GOLGA7B: variants seen among roughly 807,000 people sequenced by gnomAD.
The protein encoded by GOLGA7B is golgin subfamily A member 7B.
A neutral mutation model predicts 21.5 loss-of-function variants in GOLGA7B; 17 were observed. That is an observed-to-expected ratio of 0.79 (90% CI 0.54 to 1.19). GOLGA7B has a LOEUF of 1.19. Among genes scored for constraint, GOLGA7B ranks in the 50% most tolerant of loss-of-function variants. The pLI, the probability that GOLGA7B is intolerant of heterozygous loss-of-function variation, is 0.00. For missense variants in GOLGA7B, 169 were observed against 224.4 expected, an observed-to-expected ratio of 0.75 and a Z score of 1.58; for synonymous variants, 87 against 84.0, an observed-to-expected ratio of 1.04 and a Z score of -0.19.
intron 1 of GOLGA7B, among the ~76,000 whole-genome samples, chr10:97,851,394 C>A (rs2049904973): frequency 6.6e-6 from 1 of 152,154 alleles, no homozygotes; most frequent in Non-Finnish European, 1.5e-5. Context: ...TGTTGTTATT[C>A]CACTCAAGTT....
chr10:97,860,608 C>G (rs1232521781), intron 2 of GOLGA7B, among the ~76,000 whole-genome samples: 1 of 152,228 alleles, frequency 6.6e-6, no homozygotes, highest in East Asian at 1.9e-4. Context: ...CCTCCTCGGC[C>G]TCCCAAAGTG....
At chr10:97,854,825 G>A (rs2049925108) in intron 1 of GOLGA7B, among the ~76,000 whole-genome samples, 1 of 152,202 alleles carries the variant, frequency 6.6e-6, no homozygotes, top group African/African-American at 2.4e-5. Context: ...TTCCAGGTAA[G>A]TGTTCCTGAT....
chr10:97,856,889 G>A (rs544809591), intron 1 of GOLGA7B, among the ~76,000 whole-genome samples: 2 of 152,182 alleles, frequency 1.3e-5, no homozygotes, highest in Non-Finnish European at 1.5e-5. Flanking sequence ...TTTCAGAAAT[G>A]TCTGTTCATG....
In GOLGA7B at chr10:97,871,471, G is replaced by A. The variant is rs2050092776; in HGVS notation, c.*5771G>A. The A allele has an allele frequency of 6.6e-6, 1 of 152,168 alleles. No homozygotes were observed. Among genetic ancestry groups the A allele is most frequent in the African/African-American group, 2.4e-5 (1 of 41,428 alleles). 9.4% of individuals were successfully genotyped at this position (152,168 alleles called of 1,614,324 possible). A position where few individuals can be genotyped will look rare whatever the true frequency, so the allele number is the denominator to read the frequency against. ...TGATACTAGGACCTCGTTATACGAT[G>A]GCCTCATGATGTAGATTTATAGCAG... On this transcript the variant is annotated 3_prime_UTR_variant, in exon 5 of 5. Transcript: ENST00000370602.
Position 97,869,604 on chromosome 10 carries a change from G to T in GOLGA7B, c.*3904G>T, listed in dbSNP as rs1159272010. 6.6e-6 allele frequency: 1 copy of T among 152,332 alleles called. No individual in the cohort carries two copies. The highest frequency in any genetic ancestry group is 1.5e-5 in the Non-Finnish European group (1 of 68,106). The allele number at this position is 152,332 out of a possible 1,614,324, so 9.4% of individuals were successfully genotyped here. A position where few individuals can be genotyped will look rare whatever the true frequency, so the allele number is the denominator to read the frequency against. ...GGGCGGGTGTGTGTGAAACCACAGG[G>T]TTTACAGAAGCTCGAGGTGCCACTG... On this transcript the variant is annotated 3_prime_UTR_variant, in exon 5 of 5. Coordinates refer to ENST00000370602, the MANE Select transcript of GOLGA7B (RefSeq NM_001010917.3).
At chr10:97,864,624 C>T (rs1352476285) in intron 4 of GOLGA7B, among the ~76,000 whole-genome samples, 1 of 152,124 alleles carries the variant, frequency 6.6e-6, no homozygotes, top group Non-Finnish European at 1.5e-5. Flanking sequence ...AATGTGGGAG[C>T]CAGGAATTGC....
Position 97,865,818 on chromosome 10 carries a change from C to CG in GOLGA7B, c.*122dup. 14 of 400,070 alleles carry CG rather than the reference C, an allele frequency of 3.5e-5. No homozygotes were observed. The highest frequency in any genetic ancestry group is 6.9e-5 in the East Asian group (1 of 14,598). 24.8% of individuals were successfully genotyped at this position (400,070 alleles called of 1,614,324 possible). A position where few individuals can be genotyped will look rare whatever the true frequency, so the allele number is the denominator to read the frequency against. ...CATTCTTTGGGCTCACCCTGCTGCC[C>CG]GGGGTGGGAGGGAGGGTGACGGGCC... is the stretch of plus-strand genomic sequence containing the variant. On this transcript the variant is annotated 3_prime_UTR_variant, in exon 5 of 5. Transcript: ENST00000370602.
intron 2 of GOLGA7B, among the ~76,000 whole-genome samples, chr10:97,861,242 A>G (rs2049969431): frequency 6.6e-6 from 1 of 152,226 alleles, no homozygotes; most frequent in South Asian, 2.1e-4. Context: ...TATGGGAGTT[A>G]GTAAGTACCA....
rs2050071841 is a variant in GOLGA7B at position 97,869,841 on chromosome 10, C to A, written c.*4141C>A. ...GGGCTGTCGAGCCTGGGAAACTCCA[C>A]ATCCCTCTCCACACCTCTAGAAGGA... On this transcript the variant is annotated 3_prime_UTR_variant, in exon 5 of 5. Transcript: ENST00000370602. 6.6e-6 allele frequency: 1 copy of A among 152,302 alleles called. No homozygotes were observed. Among genetic ancestry groups the A allele is most frequent in the African/African-American group, 2.4e-5 (1 of 41,458 alleles). 9.4% of individuals were successfully genotyped at this position (152,302 alleles called of 1,614,324 possible).
rs78007342 is a variant in GOLGA7B at position 97,859,785 on chromosome 10, G to A, written c.138+202G>A. 3.6e-3 allele frequency among the ~76,000 whole-genome samples: 551 copies of A among 152,332 alleles called. 4 individuals are homozygous for A. Among genetic ancestry groups the A allele is most frequent in the African/African-American group, 0.012 (512 of 41,572 alleles). On this transcript the variant is annotated intron_variant, in intron 2 of 4. Transcript: ENST00000370602. ...TACTGTCTCCTCATAGAAAATTAGA[G>A]CTGAAGGGATCTCAGGGATTTTCTG...
rs611536 is a variant in GOLGA7B at position 97,871,303 on chromosome 10, T to A, written c.*5603T>A. The A allele has an allele frequency of 0.09, 13,651 of 152,050 alleles. 1,021 individuals are homozygous for A. Among genetic ancestry groups the A allele is most frequent in the African/African-American group, 0.2 (8,305 of 41,462 alleles). The allele number at this position is 152,050 out of a possible 1,614,324, so 9.4% of individuals were successfully genotyped here. A position where few individuals can be genotyped will look rare whatever the true frequency, so the allele number is the denominator to read the frequency against. ...AGGAAGTGGGAAACTGTGAAGAGAG[T>A]CAGAGGGCTGTGCCAGCTGCCCCCT... On this transcript the variant is annotated 3_prime_UTR_variant, in exon 5 of 5. Coordinates refer to ENST00000370602, the MANE Select transcript of GOLGA7B (RefSeq NM_001010917.3).
At chr10:97,858,119 C>T (rs1349002145) in intron 1 of GOLGA7B, among the ~76,000 whole-genome samples, 1 of 152,142 alleles carries the variant, frequency 6.6e-6, no homozygotes, top group African/African-American at 2.4e-5. Flanking sequence ...TTGCCTTTTC[C>T]TCCCTCTCCA....
intron 1 of GOLGA7B, among the ~76,000 whole-genome samples, chr10:97,857,016 T>C (rs1390094145): frequency 6.6e-6 from 1 of 152,220 alleles, no homozygotes; most frequent in Non-Finnish European, 1.5e-5. Flanking sequence ...TTTTCTCCCT[T>C]TCTGTAGGTT....
Position 97,869,616 on chromosome 10 carries a change from TC to T in GOLGA7B, c.*3917del, listed in dbSNP as rs2050069192. The T allele has an allele frequency of 6.6e-6, 1 of 152,250 alleles. No homozygotes were observed. The highest frequency in any genetic ancestry group is 1.5e-5 in the Non-Finnish European group (1 of 68,080). The allele number at this position is 152,250 out of a possible 1,614,324, so 9.4% of individuals were successfully genotyped here. ...GTGAAACCACAGGGTTTACAGAAGC[TC>T]GAGGTGCCACTGAGTGGCAGGATTA... On this transcript the variant is annotated 3_prime_UTR_variant, in exon 5 of 5. Transcript: ENST00000370602.
Position 97,865,756 on chromosome 10 carries a change from T to G in GOLGA7B, c.*56T>G. 7.3e-7 allele frequency: 1 copy of G among 1,372,904 alleles called. No individual in the cohort carries two copies. The highest frequency in any genetic ancestry group is 9.6e-7 in the Non-Finnish European group (1 of 1,041,536). The allele number at this position is 1,372,904 out of a possible 1,614,324, so 85.0% of individuals were successfully genotyped here. On this transcript the variant is annotated 3_prime_UTR_variant, in exon 5 of 5. Coordinates refer to ENST00000370602, the MANE Select transcript of GOLGA7B (RefSeq NM_001010917.3). ...GGCCGGAGTGAGGGCCTTGCAGACC[T>G]GCGGCGGCTGCGCTACCAGAGCACC...
chr10:97,850,778 C>A (rs1302659611), intron 1 of GOLGA7B, among the ~76,000 whole-genome samples: 1 of 152,002 alleles, frequency 6.6e-6, no homozygotes, highest in Non-Finnish European at 1.5e-5. Flanking sequence ...AGGGAGGGGA[C>A]AAAGACATCC....
At chr10:97,854,282 T>C (rs1047248963) in intron 1 of GOLGA7B, among the ~76,000 whole-genome samples, 3 of 152,204 alleles carry the variant, frequency 2.0e-5, no homozygotes, top group African/African-American at 7.2e-5. Context: ...TAGTTTCCAG[T>C]TGAAGAAATG....
intron 1 of GOLGA7B, among the ~76,000 whole-genome samples, chr10:97,853,829 T>C (rs1054036550): frequency 2.6e-5 from 4 of 152,144 alleles, no homozygotes; most frequent in African/African-American, 4.8e-5. Context: ...TCTGAAAACT[T>C]AGTAGCTGGC....
In GOLGA7B at chr10:97,863,847, C is replaced by T. The variant is rs1365741626; in HGVS notation, c.139-83C>T. The T allele has an allele frequency of 7.7e-6, 11 of 1,427,274 alleles. No individual in the cohort carries two copies. The Admixed American group carries it at 2.1e-4, about 28-fold the overall frequency. 88.4% of individuals were successfully genotyped at this position (1,427,274 alleles called of 1,614,324 possible). The stretch of plus-strand genomic sequence containing the variant: ...GTCATCTTCCCCATCTACATGGCCC[C>T]ACCATTGTCACTTCCAGCCCTACCT... On this transcript the variant is annotated intron_variant, in intron 2 of 4. Transcript: ENST00000370602.
Sources: gnomAD v4.1 joint callset for allele counts (sites outside exome capture counted in the v4.1 genomes callset) on GRCh38, gnomAD v4.1.1 for gene constraint, MANE v1.5 for transcripts, NCBI Gene and HGNC (gene_info 2026-07-23, HGNC 2026-07-21) for gene names.